TTC7A: variants seen among roughly 807,000 people sequenced by gnomAD.
The protein encoded by TTC7A is tetratricopeptide repeat domain 7A.
TTC7A carries 110 observed loss-of-function variants against 103.7 expected under a neutral mutation model. The observed-to-expected ratio is 1.06, with a 90% confidence interval of 0.91 to 1.24. The LOEUF is 1.24. Ranked by LOEUF, TTC7A falls within the 50% of genes most tolerant of loss-of-function variation. The probability of loss-of-function intolerance (pLI) is 0.00; values close to 1 mark genes in which losing one functional copy is unlikely to be tolerated. For synonymous variants in TTC7A, 521 were observed against 467.9 expected (o/e 1.11, Z -1.47); for missense variants, 1,340 against 1,116.3 (o/e 1.20, Z -2.86).
chr2:47,002,276 G>T (rs72872923), intron 8 of TTC7A, among the ~76,000 whole-genome samples: 2,297 of 152,290 alleles, frequency 0.015, 56 homozygotes, highest in African/African-American at 0.052. Context: ...GCAGCCTTGG[G>T]GTGGGTGTGG....
intron 15 of TTC7A, among the ~76,000 whole-genome samples, chr2:47,038,948 C>G (rs1291163433): frequency 6.6e-6 from 1 of 152,086 alleles, no homozygotes; most frequent in Non-Finnish European, 1.5e-5. Flanking sequence ...TAGTTCTCCC[C>G]CAGATGAAGG....
intron 5 of TTC7A, among the ~76,000 whole-genome samples, chr2:46,989,076 G>A (rs778952258): frequency 2.0e-5 from 3 of 152,172 alleles, no homozygotes; most frequent in African/African-American, 4.8e-5. Context: ...TCCGCGAAAC[G>A]TGTAGCACTG....
rs778460033 is a variant in TTC7A, at chr2:46,993,550, G to T, written c.843+22G>T. 2.2e-5 allele frequency: 35 copies of T among 1,612,366 alleles called. 2 individuals are homozygous for T. In the East Asian group the frequency reaches 3.3e-4, roughly 15 times the overall value. ...AGTGGTAATGTGGGGTGCTGGCAGT[G>T]CTGGCTTATTTAGGAGTCAGCTTTG... On this transcript the variant is annotated intron_variant, in intron 6 of 19. Transcript: ENST00000319190.
At chr2:47,035,425 G>T (rs886608473) in intron 15 of TTC7A, 1 of 152,228 alleles carries the variant, frequency 6.6e-6, no homozygotes, top group Non-Finnish European at 1.5e-5. Flanking sequence ...GGCAGCGCCG[G>T]ATCCTTCCCC....
At chr2:46,928,862 G>A (rs1669542875) in intron 2 of TTC7A, among the ~76,000 whole-genome samples, 1 of 152,066 alleles carries the variant, frequency 6.6e-6, no homozygotes. Flanking sequence ...AGCTTTAAAA[G>A]CCACATTTAT....
chr2:46,945,217 C>T (rs1054830556), intron 1 of TTC7A, among the ~76,000 whole-genome samples: 1 of 152,158 alleles, frequency 6.6e-6, no homozygotes, highest in East Asian at 1.9e-4. Context: ...CCTCAGCCTC[C>T]CAAATGGCTG....
intron 3 of TTC7A, among the ~76,000 whole-genome samples, chr2:46,967,393 G>A (rs866729475): frequency 6.6e-6 from 1 of 152,132 alleles, no homozygotes; most frequent in Admixed American, 6.5e-5. Context: ...TTCTATGCCC[G>A]TGAAACAGCA....
chr2:47,020,625 G>A (rs1679190081), intron 11 of TTC7A, among the ~76,000 whole-genome samples: 1 of 152,240 alleles, frequency 6.6e-6, no homozygotes, highest in South Asian at 2.1e-4. Flanking sequence ...GGGCATGGTG[G>A]GCAGACAGCC....
At chr2:47,060,091 A>AAGGCTGCAGTGAGGCC (rs1243244475) in intron 18 of TTC7A, among the ~76,000 whole-genome samples, 1 of 152,176 alleles carries the variant, frequency 6.6e-6, no homozygotes, top group African/African-American at 2.4e-5. Flanking sequence ...CCAAGAGGTC[A>AAGGCTGCAGTGAGGCC]AGGCTGCAGT....
chr2:47,043,055 G>A lies in TTC7A; in HGVS notation c.1803-3260G>A, dbSNP rs910887596. On this transcript the variant is annotated intron_variant, in intron 15 of 19. Transcript: ENST00000319190. ...CAGAATGTCACCCACCAGTCCTGAC[G>A]GCATGCCAGGGCTCCGCCAGGCTTC... 3.3e-5 allele frequency among the ~76,000 whole-genome samples: 5 copies of A among 152,308 alleles called. No individual in the cohort carries two copies. The South Asian group carries it at 6.2e-4, about 19-fold the overall frequency.
chr2:47,022,121 A>C (rs1679360666), intron 12 of TTC7A, 142 bp downstream of exon 12: 1 of 609,588 alleles, frequency 1.6e-6, no homozygotes, highest in Non-Finnish European at 2.9e-6. Context: ...AGAGATGCCC[A>C]TGTGTGCACA....
At chr2:46,947,393 G>A (rs968757141) in intron 1 of TTC7A, among the ~76,000 whole-genome samples, 7 of 152,260 alleles carry the variant, frequency 4.6e-5, no homozygotes, top group Admixed American at 1.3e-4. Flanking sequence ...TTAGAGATAT[G>A]TGGTGAAGGA....
At chr2:47,034,150 A>G (rs1680858324) in intron 15 of TTC7A, 1 of 152,278 alleles carries the variant, frequency 6.6e-6, no homozygotes, top group Admixed American at 6.5e-5. Context: ...CCACAGGGAC[A>G]GCATAAACCT....
At chr2:47,031,119 C>T (rs1030490407) in intron 15 of TTC7A, among the ~76,000 whole-genome samples, 1 of 152,126 alleles carries the variant, frequency 6.6e-6, no homozygotes, top group Non-Finnish European at 1.5e-5. Context: ...TGCACTCTAG[C>T]CTGGGCGACA....
At chr2:47,018,137 C>G (rs1184689902) in intron 11 of TTC7A, among the ~76,000 whole-genome samples, 1 of 151,466 alleles carries the variant, frequency 6.6e-6, no homozygotes. Context: ...ATTAGCCGGG[C>G]ATGGTGGCAC....
At chr2:47,053,597 A>G (rs1368633395) in intron 18 of TTC7A, among the ~76,000 whole-genome samples, 1 of 137,676 alleles carries the variant, frequency 7.3e-6, no homozygotes, top group Non-Finnish European at 1.6e-5. Context: ...TTTGAGGCAG[A>G]GTCTCACTCT....
At chr2:47,020,328 G>A (rs1679148171) in intron 11 of TTC7A, among the ~76,000 whole-genome samples, 1 of 152,196 alleles carries the variant, frequency 6.6e-6, no homozygotes, top group Non-Finnish European at 1.5e-5. Context: ...CAGCCCTCCT[G>A]AGTCCTGCTG....
intron 2 of TTC7A, among the ~76,000 whole-genome samples, chr2:46,954,031 C>G (rs945588611): frequency 2.6e-5 from 4 of 152,116 alleles, no homozygotes; most frequent in African/African-American, 9.7e-5. Flanking sequence ...AGCCCATGCT[C>G]TAATGCTGTC....
At chr2:46,979,035 A>G in intron 5 of TTC7A, 128 bp downstream of exon 5, 1 of 639,376 alleles carries the variant, frequency 1.6e-6, no homozygotes, top group South Asian at 1.9e-5. Context: ...GATTGGTGGG[A>G]ACTGGCTTGT....
Sources: gnomAD v4.1 joint callset for allele counts (sites outside exome capture counted in the v4.1 genomes callset) on GRCh38, gnomAD v4.1.1 for gene constraint, MANE v1.5 for transcripts, NCBI Gene and HGNC (gene_info 2026-07-23, HGNC 2026-07-21) for gene names.